The following SP140 variants were observed in gnomAD, a reference collection of about 807,000 sequenced individuals.
SP140 encodes SP140 nuclear body protein, also known as nuclear body protein SP140.
A neutral mutation model predicts 125.0 loss-of-function variants in SP140; 81 were observed. The ratio of observed to expected loss-of-function variants is 0.65; its 90% confidence interval spans 0.54 to 0.78. The LOEUF (loss-of-function observed/expected upper bound fraction) is 0.78, where lower values mean the gene tolerates loss of function less well. SP140 is among the 30% of genes least tolerant of loss of function. The pLI is 0.00. For missense variants in SP140, 858 were observed against 1,037.0 expected (o/e 0.83, Z 2.37); for synonymous variants, 312 against 354.0 (o/e 0.88, Z 1.33).
At chr2:230,309,464 A>T (rs545474451) in intron 22 of SP140, among the ~76,000 whole-genome samples, 4 of 152,318 alleles carry the variant, frequency 2.6e-5, no homozygotes, top group South Asian at 2.1e-4. Flanking sequence ...TCTTCAACTC[A>T]TGGGGAACTT....
intron 12 of SP140, among the ~76,000 whole-genome samples, chr2:230,266,094 T>C (rs1202999358): frequency 6.6e-6 from 1 of 152,176 alleles, no homozygotes; most frequent in Non-Finnish European, 1.5e-5. Flanking sequence ...CAGAAAAGAT[T>C]GACCCCCATT....
the SP140 span, among the ~76,000 whole-genome samples, chr2:230,196,318 A>T: frequency 2.6e-5 from 4 of 152,166 alleles, no homozygotes; most frequent in Non-Finnish European, 5.9e-5. Flanking sequence ...GTAGGTGATT[A>T]TTTAAACAAA....
In SP140 at chr2:230,225,806, C is replaced by CAGTGAA; in HGVS notation, c.-37_-32dup. The stretch of plus-strand genomic sequence containing the variant: ...CTCAGAGCTGCAGGAAGGAACGGGG[C>CAGTGAA]AGTGAAAATCGAATCGGGTGTGATC... On this transcript the variant is annotated 5_prime_UTR_variant, in exon 1 of 27. Transcript: ENST00000392045. 2 of 1,566,546 alleles carry CAGTGAA rather than the reference C, an allele frequency of 1.3e-6. No homozygotes were observed. The highest frequency in any genetic ancestry group is 1.4e-5 in the African/African-American group (1 of 74,040).
At chr2:230,272,958 G>T (rs377652422) in intron 15 of SP140, among the ~76,000 whole-genome samples, 1 of 152,110 alleles carries the variant, frequency 6.6e-6, no homozygotes, top group South Asian at 2.1e-4. Flanking sequence ...ACAGATTAAA[G>T]AATTAAATGT....
chr2:230,231,910 C>T (rs529539682), intron 1 of SP140, among the ~76,000 whole-genome samples: 1 of 152,022 alleles, frequency 6.6e-6, no homozygotes, highest in Non-Finnish European at 1.5e-5. Flanking sequence ...GGGGTTTCAC[C>T]ATGTTGGCCA....
intron 15 of SP140, among the ~76,000 whole-genome samples, chr2:230,271,547 G>A (rs2053925522): frequency 6.6e-6 from 1 of 152,190 alleles, no homozygotes; most frequent in Non-Finnish European, 1.5e-5. Context: ...TGTGGAAAGG[G>A]CCTCCTTATT....
chr2:230,288,044 A>G, intron 18 of SP140, 78 bp downstream of exon 18: 1 of 1,211,178 alleles, frequency 8.3e-7, no homozygotes, highest in Non-Finnish European at 1.2e-6. Flanking sequence ...TTTCAGTAAT[A>G]AACCCATTTC....
chr2:230,188,552 C>G, the SP140 span, among the ~76,000 whole-genome samples: 2,559 of 152,170 alleles, frequency 0.017, 51 homozygotes, highest in African/African-American at 0.056. Context: ...AGTGGGCATC[C>G]TTGTCTTATT....
At chr2:230,248,431 C>G (rs1047680119) in intron 8 of SP140, among the ~76,000 whole-genome samples, 1 of 151,896 alleles carries the variant, frequency 6.6e-6, no homozygotes, top group Non-Finnish European at 1.5e-5. Flanking sequence ...CTGCAGGTTC[C>G]CGGAGGAGTG....
rs369725888 is a variant in SP140, at chr2:230,204,667, A to C, written c.-323+1388A>C. Reference sequence around the variant, plus strand: ...GTGCCAGGACATTACCATCTAGCCTAGAAGAGACACATTATGTAAGTAATT... The same window carrying C: ...GTGCCAGGACATTACCATCTAGCCTCGAAGAGACACATTATGTAAGTAATT... On this transcript the variant is annotated intron_variant, in intron 1 of 4. Coordinates refer to the SP140 transcript ENST00000456542. Among the ~76,000 whole-genome samples the C allele has an allele frequency of 2.0e-5, 3 of 152,210 alleles. No homozygotes were observed. The East Asian group carries it at 5.8e-4, about 29-fold the overall frequency.
At chr2:230,255,359 C>T (rs2051003920) in intron 11 of SP140, 93 bp from the exon 12 acceptor site, 2 of 1,455,960 alleles carry the variant, frequency 1.4e-6, no homozygotes, top group Admixed American at 1.7e-5. Flanking sequence ...CTGAGAGATA[C>T]TTCAGCTTTC....
intron 2 of SP140, 151 bp from the exon 3 acceptor site, chr2:230,238,062 T>C (rs750017319): frequency 3.2e-5 from 18 of 566,668 alleles, no homozygotes; most frequent in Non-Finnish European, 5.0e-5. Context: ...AATTAGAGTG[T>C]ATTTTTATGG....
At chr2:230,249,734 C>A (rs2050066323) in intron 9 of SP140, among the ~76,000 whole-genome samples, 1 of 152,002 alleles carries the variant, frequency 6.6e-6, no homozygotes, top group Non-Finnish European at 1.5e-5. Context: ...ATTAAAGAAC[C>A]CATGAAGAGT....
chr2:230,294,633 T>C (rs1418987625), intron 21 of SP140, among the ~76,000 whole-genome samples: 1 of 152,178 alleles, frequency 6.6e-6, no homozygotes, highest in African/African-American at 2.4e-5. Flanking sequence ...AAGTCAAGCA[T>C]GGTCATGGGA....
At chr2:230,253,267 C>T (rs752829337) in intron 10 of SP140, 49 bp from the exon 11 acceptor site, 25 of 1,328,566 alleles carry the variant, frequency 1.9e-5, no homozygotes, top group East Asian at 9.2e-5. Flanking sequence ...TCTTGGATGG[C>T]GTGAATGCAC....
In SP140 at chr2:230,214,571, T is replaced by C. The variant is rs148905253; in HGVS notation, c.-91+497T>C. The stretch of plus-strand genomic sequence containing the variant: ...ATAAGGCACCAAAAAAAGATACTTA[T>C]TATTATCCGTCCACATTCATTTTTT... On this transcript the variant is annotated intron_variant, in intron 3 of 4. Transcript: ENST00000456542. 1.9e-3 allele frequency among the ~76,000 whole-genome samples: 285 copies of C among 152,368 alleles called. 2 individuals are homozygous for C. Among genetic ancestry groups the C allele is most frequent in the African/African-American group, 6.5e-3 (269 of 41,590 alleles).
the SP140 span, among the ~76,000 whole-genome samples, chr2:230,192,483 C>A: frequency 6.6e-6 from 1 of 152,110 alleles, no homozygotes; most frequent in Non-Finnish European, 1.5e-5. Context: ...TATGCCTTTA[C>A]ACCAACAATA....
intron 1 of SP140, among the ~76,000 whole-genome samples, chr2:230,226,777 A>AAAAAAAAAAAAAAAAAAAC: frequency 2.0e-5 from 3 of 151,728 alleles, no homozygotes; most frequent in Non-Finnish European, 2.9e-5. Flanking sequence ...AAAAAAAAAA[A>AAAAAAAAAAAAAAAAAAAC]AAAAGACAAG....
upstream of SP140, among the ~76,000 whole-genome samples, chr2:230,224,324 C>G (rs905711458): frequency 1.3e-5 from 2 of 151,918 alleles, no homozygotes; most frequent in African/African-American, 4.8e-5. Flanking sequence ...CTGGAGCAGG[C>G]GGTATAGTCT....
Sources: gnomAD v4.1 joint callset for allele counts (sites outside exome capture counted in the v4.1 genomes callset) on GRCh38, gnomAD v4.1.1 for gene constraint, MANE v1.5 for transcripts, NCBI Gene and HGNC (gene_info 2026-07-23, HGNC 2026-07-21) for gene names.